PDGFRL: variants seen among roughly 807,000 people sequenced by gnomAD.
PDGFRL encodes platelet derived growth factor receptor like, also known as platelet-derived growth factor receptor-like protein.
In PDGFRL, 46 loss-of-function variants were observed where a neutral mutation model predicts 37.2. The ratio of observed to expected loss-of-function variants is 1.24; its 90% CI spans 0.98 to 1.58. The LOEUF is 1.58. Among genes scored for constraint, PDGFRL ranks in the 40% most tolerant of loss-of-function variants. The probability of loss-of-function intolerance (pLI) is 0.00; values close to 1 mark genes in which losing one functional copy is unlikely to be tolerated. For missense variants in PDGFRL, 692 were observed against 467.6 expected (o/e 1.48, Z -4.43); for synonymous variants, 251 against 184.3 (o/e 1.36, Z -2.93).
rs138671025 is a variant in PDGFRL at position 17,578,652 on chromosome 8, C to T, written c.55+1345C>T. Among the ~76,000 whole-genome samples, 14 of 152,290 alleles carry T rather than the reference C, an allele frequency of 9.2e-5. No individual in the cohort carries two copies. The East Asian group carries it at 2.7e-3, about 29-fold the overall frequency. On this transcript the variant is annotated intron_variant, in intron 1 of 5. Coordinates refer to ENST00000251630, the MANE Select transcript of PDGFRL (RefSeq NM_001372073.1). ...ATGGCCAGGCAAAATAATTTCAAAT[C>T]AGCCATTCCTTTGTTTATACCCAAC...
At chr8:17,585,806 A>C (rs1377394546) in intron 1 of PDGFRL, among the ~76,000 whole-genome samples, 1 of 152,214 alleles carries the variant, frequency 6.6e-6, no homozygotes, top group Non-Finnish European at 1.5e-5. Context: ...GTTCTATTGA[A>C]TTAGGCTAAT....
At chr8:17,593,899 AAG>A (rs1491120340) in intron 2 of PDGFRL, among the ~76,000 whole-genome samples, 1,663 of 151,540 alleles carry the variant, frequency 0.011, 33 homozygotes, top group African/African-American at 0.036. Flanking sequence ...AAAAAAAAAA[AAG>A]AAAAAAAAAG....
rs565247573 is a variant in PDGFRL at position 17,633,484 on chromosome 8, C to T, written c.800-590C>T. ...CAGAACTTGCAGTGAGCCGAGATCG[C>T]GCAGCTGCACTCCAGCCTGGGTGAC... On this transcript the variant is annotated intron_variant, in intron 4 of 5. Coordinates refer to ENST00000251630, the MANE Select transcript of PDGFRL (RefSeq NM_001372073.1). 5.8e-4 allele frequency among the ~76,000 whole-genome samples: 89 copies of T among 152,196 alleles called. 1 individual carries two copies. In the South Asian group the frequency reaches 0.014, roughly 24 times the overall value.
intron 4 of PDGFRL, among the ~76,000 whole-genome samples, chr8:17,633,200 A>G (rs76076915): frequency 0.048 from 7,303 of 152,210 alleles, 447 homozygotes; most frequent in African/African-American, 0.14. Context: ...AGGTCAAGGC[A>G]TGAGAATTGC....
At chr8:17,602,736 A>G (rs2517177) in intron 2 of PDGFRL, among the ~76,000 whole-genome samples, 75,078 of 151,846 alleles carry the variant, frequency 0.49, 20,330 homozygotes, top group East Asian at 0.6. Flanking sequence ...GTTCTGGTCT[A>G]CTCTGCGATG....
intron 2 of PDGFRL, among the ~76,000 whole-genome samples, chr8:17,593,888 C>CAA (rs376718770): frequency 0.041 from 5,964 of 145,388 alleles, 165 homozygotes; most frequent in East Asian, 0.077. Flanking sequence ...AACTCCATCT[C>CAA]AAAAAAAAAA....
chr8:17,592,935 C>T (rs1803973340), intron 2 of PDGFRL, among the ~76,000 whole-genome samples: 1 of 149,770 alleles, frequency 6.7e-6, no homozygotes, highest in African/African-American at 2.5e-5. Flanking sequence ...CACACACACA[C>T]ACACACACAC....
chr8:17,627,237 A>G (rs1018387635), intron 3 of PDGFRL, among the ~76,000 whole-genome samples: 14 of 152,220 alleles, frequency 9.2e-5, no homozygotes, highest in Admixed American at 8.5e-4. Flanking sequence ...TCATAAAATC[A>G]CATTAGTAAG....
At chr8:17,619,366 T>C (rs1305454677) in intron 2 of PDGFRL, among the ~76,000 whole-genome samples, 2 of 152,212 alleles carry the variant, frequency 1.3e-5, no homozygotes, top group Non-Finnish European at 2.9e-5. Flanking sequence ...TAGTGTTTAA[T>C]AATAAATATG....
At chr8:17,612,047 G>C (rs1260786807) in intron 2 of PDGFRL, among the ~76,000 whole-genome samples, 1 of 152,162 alleles carries the variant, frequency 6.6e-6, no homozygotes, top group Admixed American at 6.5e-5. Context: ...GAGCAGAATG[G>C]CTAAGAAACA....
chr8:17,620,767 G>A (rs1456329328), intron 2 of PDGFRL, among the ~76,000 whole-genome samples: 4 of 152,006 alleles, frequency 2.6e-5, no homozygotes, highest in African/African-American at 2.4e-5. Flanking sequence ...CTGAAAAGCC[G>A]AATAATCCAT....
chr8:17,623,250 T>C (rs866182206), intron 3 of PDGFRL, among the ~76,000 whole-genome samples: 1 of 152,202 alleles, frequency 6.6e-6, no homozygotes, highest in African/African-American at 2.4e-5. Flanking sequence ...AGGTGAAGGA[T>C]GGACTGATAG....
At chr8:17,578,044 ATTTTTCTGTGTGTC>A (rs1803626145) in intron 1 of PDGFRL, among the ~76,000 whole-genome samples, 2 of 40,740 alleles carry the variant, frequency 4.9e-5, no homozygotes, top group African/African-American at 8.4e-5. Context: ...GTCTGGTGTT[ATTTTTCTGTGTGTC>A]TGGGTGTGTG....
chr8:17,642,866 T>A lies in PDGFRL; in HGVS notation c.*65T>A, dbSNP rs1282843818. 5.6e-6 allele frequency: 6 copies of A among 1,062,218 alleles called. No homozygotes were observed. The highest frequency in any genetic ancestry group is 7.1e-6 in the Non-Finnish European group (5 of 702,764). 65.8% of individuals were successfully genotyped at this position (1,062,218 alleles called of 1,614,324 possible). On this transcript the variant is annotated 3_prime_UTR_variant, in exon 6 of 6. Transcript: ENST00000251630. ...TTGTGTACACAGTCAGCTTTGGGGT[T>A]CCTTTTATTAGTGCTTTGCCAGAGG...
At chr8:17,598,279 C>G (rs1804095399) in intron 2 of PDGFRL, among the ~76,000 whole-genome samples, 1 of 152,126 alleles carries the variant, frequency 6.6e-6, no homozygotes, top group Non-Finnish European at 1.5e-5. Flanking sequence ...AACCCAGTTG[C>G]CTTATCTGGA....
At chr8:17,633,867 A>AC (rs1161248476) in intron 4 of PDGFRL, among the ~76,000 whole-genome samples, 1 of 152,062 alleles carries the variant, frequency 6.6e-6, no homozygotes, top group African/African-American at 2.4e-5. Context: ...CCTGGTGCCT[A>AC]CCCCATTCCA....
chr8:17,641,901 G>GCCCCCCC (rs1554556556), intron 5 of PDGFRL, among the ~76,000 whole-genome samples: 5 of 116,262 alleles, frequency 4.3e-5, no homozygotes, highest in African/African-American at 1.1e-4. Flanking sequence ...AGAGGTCCCC[G>GCCCCCCC]CCACATTGCT....
At chr8:17,594,291 A>C (rs369269367) in intron 2 of PDGFRL, among the ~76,000 whole-genome samples, 1 of 152,056 alleles carries the variant, frequency 6.6e-6, no homozygotes, top group Non-Finnish European at 1.5e-5. Flanking sequence ...CCCAGGCTGG[A>C]GTGCAGTGGG....
intron 1 of PDGFRL, 99 bp from the exon 2 acceptor site, chr8:17,589,369 G>A: frequency 1.2e-6 from 1 of 843,068 alleles, no homozygotes; most frequent in Middle Eastern, 3.6e-4. Flanking sequence ...CTGGGCAATA[G>A]AGTAAGAATC....
Sources: allele counts gnomAD v4.1 joint callset (sites outside exome capture counted in the v4.1 genomes callset), GRCh38; gene constraint gnomAD v4.1.1; transcripts MANE v1.5; gene names NCBI Gene and HGNC (gene_info 2026-07-23, HGNC 2026-07-21).